Variants in MGAT5B observed in about 807,000 individuals in gnomAD.
MGAT5B encodes alpha-1,6-mannosylglycoprotein 6-beta-N-acetylglucosaminyltransferase B.
In MGAT5B, 54 loss-of-function variants were observed where a neutral mutation model predicts 95.1. The ratio of observed to expected loss-of-function variants is 0.57; its 90% CI spans 0.46 to 0.71. The LOEUF is 0.71. MGAT5B is among the 30% of genes least tolerant of loss of function. The pLI, the probability that MGAT5B is intolerant of heterozygous loss-of-function variation, is 0.00. For missense variants in MGAT5B, 935 were observed against 1,088.6 expected, an observed-to-expected ratio of 0.86 and a Z score of 1.99; for synonymous variants, 464 against 451.0, an observed-to-expected ratio of 1.03 and a Z score of -0.36.
At chr17:76,910,894 G>T (rs1053418630) in intron 8 of MGAT5B, among the ~76,000 whole-genome samples, 5 of 152,192 alleles carry the variant, frequency 3.3e-5, no homozygotes, top group East Asian at 1.9e-4. Context: ...TACCTCAGGG[G>T]ATCTTAGGAA....
intron 8 of MGAT5B, among the ~76,000 whole-genome samples, chr17:76,910,251 G>A (rs548348484): frequency 1.3e-5 from 2 of 152,194 alleles, no homozygotes; most frequent in South Asian, 2.1e-4. Flanking sequence ...CCACTCGCCC[G>A]CCTGCACCCA....
chr17:76,931,497 G>A (rs546404372), intron 10 of MGAT5B, among the ~76,000 whole-genome samples: 1 of 152,340 alleles, frequency 6.6e-6, no homozygotes, highest in East Asian at 1.9e-4. Context: ...ATGAGTGACT[G>A]GGGTCAGGAG....
Position 76,905,928 on chromosome 17 carries a change from T to A in MGAT5B, c.856-90T>A. The stretch of plus-strand genomic sequence containing the variant: ...GGCCCAGCCTGGAGACAGGGTCTGC[T>A]GCCGGCTGGTCTCCTGGCCGGTGCC... On this transcript the variant is annotated intron_variant, in intron 7 of 17. Transcript: ENST00000569840. The surrounding 1 kb of genome is among the most constrained non-coding windows in gnomAD (Gnocchi z 4.2). The A allele has an allele frequency of 7.1e-7, 1 of 1,405,474 alleles. No homozygotes were observed. Among genetic ancestry groups the A allele is most frequent in the South Asian group, 1.4e-5 (1 of 70,490 alleles). 87.1% of individuals were successfully genotyped at this position (1,405,474 alleles called of 1,614,324 possible). A position where few individuals can be genotyped will look rare whatever the true frequency, so the allele number is the denominator to read the frequency against.
intron 15 of MGAT5B, among the ~76,000 whole-genome samples, chr17:76,941,336 G>A (rs1428291970): frequency 6.6e-6 from 1 of 152,244 alleles, no homozygotes; most frequent in Admixed American, 6.5e-5. Context: ...CAGCGAACGT[G>A]GGTGCTGGTG....
chr17:76,929,018 A>T (rs1374236720), intron 10 of MGAT5B, among the ~76,000 whole-genome samples: 2 of 151,996 alleles, frequency 1.3e-5, no homozygotes, highest in Non-Finnish European at 2.9e-5. Context: ...GGCACACGTC[A>T]CTTAGCCTGG....
chr17:76,939,029 G>GGTGGGTGT (rs1555600424), intron 13 of MGAT5B, among the ~76,000 whole-genome samples: 1 of 128,190 alleles, frequency 7.8e-6, no homozygotes, highest in Non-Finnish European at 1.6e-5. Context: ...GCATCTTGGG[G>GGTGGGTGT]GTGTGTGTGT....
At chr17:76,898,930 A>G (rs580696) in intron 3 of MGAT5B, among the ~76,000 whole-genome samples, 38,898 of 152,108 alleles carry the variant, frequency 0.26, 8,627 homozygotes, top group African/African-American at 0.59. Flanking sequence ...GCTGGCCAGC[A>G]TCTGGTTCCA....
At chr17:76,880,610 G>A (rs1446962077) in intron 2 of MGAT5B, among the ~76,000 whole-genome samples, 2 of 152,166 alleles carry the variant, frequency 1.3e-5, no homozygotes, top group Non-Finnish European at 2.9e-5. Flanking sequence ...GTCTGCAGAC[G>A]GGGCCTGTTA....
chr17:76,887,260 T>C (rs987398669), intron 3 of MGAT5B, among the ~76,000 whole-genome samples: 2 of 152,030 alleles, frequency 1.3e-5, no homozygotes, highest in Non-Finnish European at 2.9e-5. Context: ...ATTATTGCCA[T>C]GGCTCGGACC....
rs187816547 is a variant in MGAT5B at position 76,927,693 on chromosome 17, G to A, written c.1291+963G>A. On this transcript the variant is annotated intron_variant, in intron 10 of 17. Coordinates refer to ENST00000569840, the MANE Select transcript of MGAT5B (RefSeq NM_001199172.2). ...GGGCCTGCCCTTCTGGACGGCAGAG[G>A]TGTGCGGAGCTGCGTCCCCTCCTCG... Among the ~76,000 whole-genome samples, 5 of 152,346 alleles carry A rather than the reference G, an allele frequency of 3.3e-5. No individual in the cohort carries two copies. The East Asian group carries it at 9.6e-4, about 29-fold the overall frequency.
At chr17:76,942,042 C>T (rs1010342692) in intron 15 of MGAT5B, among the ~76,000 whole-genome samples, 60 of 152,294 alleles carry the variant, frequency 3.9e-4, no homozygotes, top group African/African-American at 1.0e-3. Flanking sequence ...GTGGAGTCAC[C>T]GGTGACGGAG....
chr17:76,935,605 CT>C (rs61424892), intron 12 of MGAT5B, among the ~76,000 whole-genome samples: 1,427 of 113,346 alleles, frequency 0.013, 25 homozygotes, highest in African/African-American at 0.043. Context: ...TTCCATATAT[CT>C]TTTTTTTTTT....
At chr17:76,887,783 C>A (rs1171223782) in intron 3 of MGAT5B, among the ~76,000 whole-genome samples, 1 of 151,792 alleles carries the variant, frequency 6.6e-6, no homozygotes, top group Non-Finnish European at 1.5e-5. Flanking sequence ...TCTCGAACTC[C>A]TGACCTCATG....
At chr17:76,872,634 C>T in intron 1 of MGAT5B, 9 of 1,456,212 alleles carry the variant, frequency 6.2e-6, no homozygotes, top group South Asian at 4.4e-5. Context: ...TGTGGTTTCT[C>T]GTGTGGCTCG....
intron 12 of MGAT5B, among the ~76,000 whole-genome samples, chr17:76,936,091 C>T (rs7219597): frequency 0.19 from 29,059 of 151,212 alleles, 3,520 homozygotes; most frequent in Admixed American, 0.29. Context: ...TGAGCCACTG[C>T]GCCTGGCCTT....
chr17:76,873,440 G>A (rs1402159868), intron 2 of MGAT5B, among the ~76,000 whole-genome samples: 1 of 152,246 alleles, frequency 6.6e-6, no homozygotes, highest in Admixed American at 6.5e-5. Context: ...TTGCAAGGCA[G>A]TGGAATGGAG....
At chr17:76,937,947 G>A in intron 12 of MGAT5B, 41 bp from the exon 13 acceptor site, 1 of 1,605,602 alleles carries the variant, frequency 6.2e-7, no homozygotes, top group Non-Finnish European at 8.5e-7. Flanking sequence ...TGCCTTCTGT[G>A]GTTTGCATGT....
intron 2 of MGAT5B, among the ~76,000 whole-genome samples, chr17:76,879,254 G>A (rs1181145443): frequency 6.6e-6 from 1 of 152,166 alleles, no homozygotes; most frequent in African/African-American, 2.4e-5. Context: ...GACCAGTAGT[G>A]CAGCAGGCAG....
intron 3 of MGAT5B, among the ~76,000 whole-genome samples, chr17:76,883,555 C>G (rs516898): frequency 0.36 from 55,098 of 151,894 alleles, 12,385 homozygotes; most frequent in African/African-American, 0.61. Context: ...AACAGGAGTG[C>G]GGGAGGTCAG....
Sources: allele counts gnomAD v4.1 joint callset (sites outside exome capture counted in the v4.1 genomes callset), GRCh38; gene constraint gnomAD v4.1.1; non-coding constraint Gnocchi (gnomAD v3.1); transcripts MANE v1.5; gene names NCBI Gene and HGNC (gene_info 2026-07-23, HGNC 2026-07-21).